Variants in NRG3 observed in about 807,000 individuals in gnomAD.
The protein encoded by NRG3 is pro-neuregulin-3, membrane-bound isoform.
In NRG3, 31 loss-of-function variants were observed where a neutral mutation model predicts 66.9. The ratio of observed to expected loss-of-function variants is 0.46; its 90% CI spans 0.35 to 0.63. The LOEUF is 0.63. Among genes scored for constraint, NRG3 ranks in the 20% least tolerant of loss-of-function variants. The pLI is 0.00. For missense variants in NRG3, 910 were observed against 878.9 expected, an observed-to-expected ratio of 1.04 and a Z score of -0.45; for synonymous variants, 393 against 359.4, an observed-to-expected ratio of 1.09 and a Z score of -1.06.
intron 1 of NRG3, among the ~76,000 whole-genome samples, chr10:82,244,433 A>C (rs543820593): frequency 2.0e-5 from 3 of 152,302 alleles, no homozygotes; most frequent in African/African-American, 7.2e-5. Flanking sequence ...AGGTTCTGGA[A>C]CTATTTTTGG....
chr10:82,792,065 A>C (rs1370963986), intron 3 of NRG3, among the ~76,000 whole-genome samples: 1 of 152,134 alleles, frequency 6.6e-6, no homozygotes, highest in Non-Finnish European at 1.5e-5. Flanking sequence ...TGTTGTTGTC[A>C]TTTTTACCAA....
chr10:81,897,529 T>C (rs1448643466), intron 1 of NRG3, among the ~76,000 whole-genome samples: 1 of 149,284 alleles, frequency 6.7e-6, no homozygotes, highest in East Asian at 2.0e-4. Context: ...CCTCCTAGGT[T>C]CCCGTCCTCA....
At chr10:82,037,026 G>C in intron 1 of NRG3, among the ~76,000 whole-genome samples, 1 of 152,246 alleles carries the variant, frequency 6.6e-6, no homozygotes, top group East Asian at 1.9e-4. Flanking sequence ...CATAGTTTCT[G>C]TTCCATTTAG....
At chr10:82,787,515 C>T (rs77090240) in intron 3 of NRG3, among the ~76,000 whole-genome samples, 1 of 152,244 alleles carries the variant, frequency 6.6e-6, no homozygotes, top group Non-Finnish European at 1.5e-5. Context: ...TTCAAGAAGG[C>T]ATTTCAGGCA....
At chr10:82,863,768 G>A (rs2064269163) in intron 3 of NRG3, among the ~76,000 whole-genome samples, 1 of 152,044 alleles carries the variant, frequency 6.6e-6, no homozygotes, top group Non-Finnish European at 1.5e-5. Context: ...TGGGTCCATG[G>A]CCTCTTCATC....
intron 2 of NRG3, among the ~76,000 whole-genome samples, chr10:82,460,508 C>T (rs1273108567): frequency 6.6e-6 from 1 of 152,120 alleles, no homozygotes. Context: ...AAGAGTGCTA[C>T]TTAATTTGCT....
At chr10:82,265,722 T>G (rs2078262180) in intron 1 of NRG3, among the ~76,000 whole-genome samples, 1 of 152,312 alleles carries the variant, frequency 6.6e-6, no homozygotes. Flanking sequence ...AGCCTTATGT[T>G]AAAATCAATG....
At chr10:82,807,999 A>G (rs2061354168) in intron 3 of NRG3, among the ~76,000 whole-genome samples, 1 of 152,052 alleles carries the variant, frequency 6.6e-6, no homozygotes, top group South Asian at 2.1e-4. Flanking sequence ...TTTCTCAATA[A>G]CTGCAAAAAT....
chr10:82,392,549 A>G (rs141054257), intron 2 of NRG3, among the ~76,000 whole-genome samples: 1 of 152,322 alleles, frequency 6.6e-6, no homozygotes, highest in African/African-American at 2.4e-5. Context: ...TAAATTGCTA[A>G]GCAGAAAATA....
intron 1 of NRG3, among the ~76,000 whole-genome samples, chr10:82,311,715 A>G (rs2081037888): frequency 6.6e-6 from 1 of 152,136 alleles, no homozygotes; most frequent in South Asian, 2.1e-4. Context: ...CTCATTTAAT[A>G]CTCACACCAA....
chr10:82,114,332 T>C (rs1212815773), intron 1 of NRG3, among the ~76,000 whole-genome samples: 2 of 152,316 alleles, frequency 1.3e-5, no homozygotes, highest in East Asian at 3.9e-4. Context: ...TTTAGATATA[T>C]ACTTAGTTTT....
intron 1 of NRG3, among the ~76,000 whole-genome samples, chr10:82,306,835 G>C (rs1299561194): frequency 6.7e-6 from 1 of 148,714 alleles, no homozygotes; most frequent in East Asian, 2.0e-4. Context: ...TGTCTGTTTA[G>C]ATTTTGAATC....
intron 2 of NRG3, among the ~76,000 whole-genome samples, chr10:82,439,258 T>C (rs929121973): frequency 2.6e-5 from 4 of 152,180 alleles, no homozygotes; most frequent in African/African-American, 9.6e-5. Flanking sequence ...ATTAAATGCA[T>C]ATATTAGTTG....
chr10:81,885,517 A>T (rs1404517091), intron 1 of NRG3, among the ~76,000 whole-genome samples: 1 of 152,106 alleles, frequency 6.6e-6, no homozygotes, highest in Non-Finnish European at 1.5e-5. Context: ...TACAAACTAG[A>T]CCCAATCATT....
chr10:82,167,763 C>T (rs752084277), intron 1 of NRG3, among the ~76,000 whole-genome samples: 14 of 151,864 alleles, frequency 9.2e-5, no homozygotes, highest in Non-Finnish European at 1.3e-4. Flanking sequence ...CTTTTTAATA[C>T]GTGATTGTTT....
intron 1 of NRG3, among the ~76,000 whole-genome samples, chr10:82,058,007 G>T: frequency 6.7e-6 from 1 of 148,344 alleles, no homozygotes. Context: ...GCCTTCTAAA[G>T]AATTCCCTTA....
At chr10:82,453,119 AC>A (rs1409632947) in intron 2 of NRG3, among the ~76,000 whole-genome samples, 1 of 152,154 alleles carries the variant, frequency 6.6e-6, no homozygotes, top group East Asian at 1.9e-4. Flanking sequence ...AATGAAGAGA[AC>A]TTAACTACCT....
rs745860661 is a variant in NRG3, at chr10:82,358,713, G to C, written c.824-26G>C. ...GGTGTCAGAATGTACTGCTGACAGC[G>C]TTTCCCCCTGTGCTTTCCCTGACAG... On this transcript the variant is annotated intron_variant, in intron 1 of 8. Coordinates refer to ENST00000372141, the MANE Select transcript of NRG3 (RefSeq NM_001010848.4). The C allele has an allele frequency of 4.3e-6, 7 of 1,613,802 alleles. No individual in the cohort carries two copies. The South Asian group carries it at 7.7e-5, about 18-fold the overall frequency.
intron 1 of NRG3, among the ~76,000 whole-genome samples, chr10:82,318,320 T>C (rs1399556772): frequency 2.6e-5 from 4 of 152,118 alleles, no homozygotes; most frequent in Non-Finnish European, 5.9e-5. Context: ...CTTAATGAGT[T>C]TGGGGTCCCA....
Sources: allele counts gnomAD v4.1 joint callset (sites outside exome capture counted in the v4.1 genomes callset), GRCh38; gene constraint gnomAD v4.1.1; transcripts MANE v1.5; gene names NCBI Gene and HGNC (gene_info 2026-07-23, HGNC 2026-07-21).